ZNF417: variants seen among roughly 807,000 people sequenced by gnomAD.
The protein encoded by ZNF417 is zinc finger protein 417.
Under a neutral mutation model 7.4 loss-of-function variants are expected in ZNF417, and 5 were observed. That is an observed-to-expected ratio of 0.68 (90% CI 0.35 to 1.43). The LOEUF is 1.43. Ranked by LOEUF, ZNF417 falls within the 40% of genes most tolerant of loss-of-function variation. The probability of loss-of-function intolerance (pLI) is 0.04; values close to 1 mark genes in which losing one functional copy is unlikely to be tolerated. For missense variants in ZNF417, 437 were observed against 697.3 expected (o/e 0.63, Z 4.20); for synonymous variants, 147 against 239.1 (o/e 0.61, Z 3.55).
intron 1 of ZNF417, among the ~76,000 whole-genome samples, chr19:57,914,441 G>A (rs553788436): frequency 7.5e-5 from 9 of 120,102 alleles, no homozygotes; most frequent in Non-Finnish European, 1.3e-4. Context: ...AGCCAAGATT[G>A]CACCACTGCA....
Position 57,909,087 on chromosome 19 carries a change from T to G in ZNF417, c.1191A>C (p.Gln397His), listed in dbSNP as rs149038745. ...TTTCTCCAGTATGACCTCGCTGATG[T>G]TGAACGAGGTTGCCCTTTTGACCAA... ...KSFGQKGNLV[Q>H]HQRGHTGERP... is the part of the protein sequence containing the mutation. The change falls in exon 3 of 3, where the codon CAA becomes CAC. Residue 397 changes from glutamine to histidine, a missense_variant. Gln to His is a conservative substitution (Grantham distance 24). Coordinates refer to ENST00000312026, the MANE Select transcript of ZNF417 (RefSeq NM_152475.3). 3,691 of 1,609,626 alleles carry G rather than the reference T, an allele frequency of 2.3e-3. 13 individuals are homozygous for G. The highest frequency in any genetic ancestry group is 4.5e-3 in the African/African-American group (335 of 74,266).
intron 1 of ZNF417, among the ~76,000 whole-genome samples, chr19:57,914,514 A>G (rs556006258): frequency 6.7e-6 from 1 of 148,840 alleles, no homozygotes; most frequent in African/African-American, 2.5e-5. Flanking sequence ...AAAAAAAGAC[A>G]GAAAGAAAAC....
At position 57,907,710 on chromosome 19, in the gene ZNF417, T is replaced by C. The variant is rs1359577210; in HGVS notation, c.*840A>G. On this transcript the variant is annotated 3_prime_UTR_variant, in exon 3 of 3. Transcript: ENST00000312026. ...GTCGACATTCATGCAAGTGGGGAAA[T>C]GGGCATGTGGCCCCTGAAAAAAGAT... 6.5e-6 allele frequency: 1 copy of C among 154,744 alleles called. No homozygotes were observed. Among genetic ancestry groups the C allele is most frequent in the African/African-American group, 2.4e-5 (1 of 41,524 alleles). 9.6% of individuals were successfully genotyped at this position (154,744 alleles called of 1,614,324 possible).
chr19:57,907,895 G>T lies in ZNF417; in HGVS notation c.*655C>A, dbSNP rs1294545028. On this transcript the variant is annotated 3_prime_UTR_variant, in exon 3 of 3. Coordinates refer to ENST00000312026, the MANE Select transcript of ZNF417 (RefSeq NM_152475.3). The stretch of plus-strand genomic sequence containing the variant: ...AATGACGTTACCCATGGAGAATGAA[G>T]TAAGTAGCTAGAAGACAAAAGCCTC... 1.3e-5 allele frequency: 2 copies of T among 152,938 alleles called. No homozygotes were observed. The highest frequency in any genetic ancestry group is 2.4e-5 in the African/African-American group (1 of 41,446). The allele number at this position is 152,938 out of a possible 1,614,324, so 9.5% of individuals were successfully genotyped here. A position where few individuals can be genotyped will look rare whatever the true frequency, so the allele number is the denominator to read the frequency against.
At chr19:57,914,483 CAAAAAAA>C (rs528220711) in intron 1 of ZNF417, among the ~76,000 whole-genome samples, 2 of 57,616 alleles carry the variant, frequency 3.5e-5, no homozygotes, top group South Asian at 9.2e-4. Flanking sequence ...CGAAACTCCA[CAAAAAAA>C]AAAAAAAAAA....
rs373410733 is a variant in ZNF417 at position 57,906,041 on chromosome 19, T to C, written c.*2509A>G. On this transcript the variant is annotated 3_prime_UTR_variant, in exon 3 of 3. Transcript: ENST00000312026. ...AGTGCAGTGGTACCATCTCAGCTGA[T>C]TGCAACCTCCATTTCCGAGGAAGGC... Among the ~76,000 whole-genome samples, 10 of 152,272 alleles carry C rather than the reference T, an allele frequency of 6.6e-5. No homozygotes were observed. In the East Asian group the frequency reaches 1.9e-3, roughly 29 times the overall value.
Position 57,912,209 on chromosome 19 carries a change from A to C in ZNF417, c.34-20T>G. ...GCCCTGCTATGATAGTGACAGATGA[A>C]ACCACAAACAGCCCCTCTGCTGAGG... is the stretch of plus-strand genomic sequence containing the variant. On this transcript the variant is annotated intron_variant, in intron 1 of 2. Transcript: ENST00000312026. 6.2e-7 allele frequency: 1 copy of C among 1,612,096 alleles called. No homozygotes were observed. Among genetic ancestry groups the C allele is most frequent in the Non-Finnish European group, 8.5e-7 (1 of 1,179,382 alleles).
At chr19:57,915,930 G>T (rs923377118) in intron 1 of ZNF417, among the ~76,000 whole-genome samples, 1 of 152,036 alleles carries the variant, frequency 6.6e-6, no homozygotes, top group African/African-American at 2.4e-5. Flanking sequence ...CGGTAATCTG[G>T]GTCAATCAGT....
At position 57,916,403 on chromosome 19, in the gene ZNF417, C is replaced by T. The variant is rs767085529; in HGVS notation, c.9G>A (p.Ala3=). The T allele has an allele frequency of 1.2e-6, 2 of 1,614,022 alleles. No homozygotes were observed. Among genetic ancestry groups the T allele is most frequent in the South Asian group, 2.2e-5 (2 of 91,080 alleles). MA[A]AAPRRPTQQG... ...CCTGAGTCGGGCGCCTCGGCGCAGC[C>T]GCTGCCATCGGACTACTTGGGGAAG... The change falls in exon 1 of 3, where the codon GCG becomes GCA. Residue 3 remains alanine (A), a synonymous_variant. Transcript: ENST00000312026.
At chr19:57,916,344 G>A (rs764876661) in intron 1 of ZNF417, 35 bp downstream of exon 1, 17 of 1,614,018 alleles carry the variant, frequency 1.1e-5, no homozygotes, top group Middle Eastern at 3.3e-4. Context: ...GGTGACGATG[G>A]GGTGACCTGA....
In ZNF417 at chr19:57,908,535, C is replaced by T. The variant is rs1193040082; in HGVS notation, c.*15G>A. On this transcript the variant is annotated 3_prime_UTR_variant, in exon 3 of 3. Coordinates refer to ENST00000312026, the MANE Select transcript of ZNF417 (RefSeq NM_152475.3). ...ACGGGATGTTTCAGCAAACGATTTC[C>T]CATATTCACTGCACTCATAAGGCCT... The T allele has an allele frequency of 1.9e-6, 3 of 1,612,724 alleles. No homozygotes were observed. The African/African-American group carries it at 4.0e-5, about 22-fold the overall frequency.
At chr19:57,912,266 C>T in intron 1 of ZNF417, 77 bp from the exon 2 acceptor site, 4 of 1,588,612 alleles carry the variant, frequency 2.5e-6, no homozygotes, top group Non-Finnish European at 3.4e-6. Context: ...CACACCCACA[C>T]TTGCCCATCC....
In ZNF417 at chr19:57,908,652, G is replaced by T. The variant is rs780741546; in HGVS notation, c.1626C>A (p.His542Gln). 5.6e-6 allele frequency: 9 copies of T among 1,614,132 alleles called. No homozygotes were observed. The highest frequency in any genetic ancestry group is 7.6e-6 in the Non-Finnish European group (9 of 1,180,026). Reference sequence around the variant, plus strand: ...TACATTCATAAGGCCTTTCTCCAGTGTGAATTCTCCTGTGTTTAATGAGAC... The same window carrying T: ...TACATTCATAAGGCCTTTCTCCAGTTTGAATTCTCCTGTGTTTAATGAGAC... ...CSSLIKHRRI[H>Q]TGERPYECTK... is the part of the protein sequence containing the mutation. The change falls in exon 3 of 3, where the codon CAC (histidine) becomes CAA (glutamine). Residue 542 changes from histidine (H) to glutamine (Q), a missense_variant. This residue lies in a region of ZNF417 where 233 missense variants were observed against 235.5 expected (regional missense o/e 0.99). Transcript: ENST00000312026.
chr19:57,915,872 G>A (rs999626596), intron 1 of ZNF417, among the ~76,000 whole-genome samples: 9 of 152,192 alleles, frequency 5.9e-5, no homozygotes, highest in African/African-American at 1.4e-4. Context: ...AGTGCTTGAG[G>A]TATTTTGCAG....
At chr19:57,912,504 A>G (rs2071907885) in intron 1 of ZNF417, among the ~76,000 whole-genome samples, 1 of 152,060 alleles carries the variant, frequency 6.6e-6, no homozygotes, top group Admixed American at 6.6e-5. Context: ...CCCTCTCTAA[A>G]TATACATCAT....
Position 57,908,557 on chromosome 19 carries a change from G to C in ZNF417, c.1721C>G (p.Ala574Gly). 5 of 1,614,178 alleles carry C rather than the reference G, an allele frequency of 3.1e-6. No individual in the cohort carries two copies. The highest frequency in any genetic ancestry group is 4.2e-6 in the Non-Finnish European group (5 of 1,180,030). ...LHHQSSHRRK[A>G]L ...TTCCCATATTCACTGCACTCATAAG[G>C]CCTTTCTCCTGTGTGAACTCTGATG... is the stretch of plus-strand genomic sequence containing the variant. The change falls in exon 3 of 3, where the codon GCC (alanine) becomes GGC (glycine). Residue 574 changes from alanine to glycine, a missense_variant. This residue lies in a region of ZNF417 where 233 missense variants were observed against 235.5 expected (regional missense o/e 0.99). Coordinates refer to ENST00000312026, the MANE Select transcript of ZNF417 (RefSeq NM_152475.3).
intron 1 of ZNF417, among the ~76,000 whole-genome samples, chr19:57,915,920 C>A (rs1228921551): frequency 6.6e-6 from 1 of 152,086 alleles, no homozygotes; most frequent in East Asian, 1.9e-4. Flanking sequence ...ACACACAGAC[C>A]GGTAATCTGG....
chr19:57,909,097 T>A lies in ZNF417; in HGVS notation c.1181A>T (p.Asn394Ile). ...ATGACCTCGCTGATGTTGAACGAGG[T>A]TGCCCTTTTGACCAAAAGATTTTCC... ...ECGKSFGQKG[N>I]LVQHQRGHTG... is the part of the protein sequence containing the mutation. The change falls in exon 3 of 3, where the codon AAC becomes ATC. Residue 394 changes from asparagine to isoleucine, a missense_variant. Physicochemically the swap from Asn to Ile is moderately radical, Grantham distance 149. Transcript: ENST00000312026. 1 of 1,614,048 alleles carries A rather than the reference T, an allele frequency of 6.2e-7. No individual in the cohort carries two copies. The highest frequency in any genetic ancestry group is 1.1e-5 in the South Asian group (1 of 91,064).
chr19:57,913,915 G>C (rs1408316173), intron 1 of ZNF417, among the ~76,000 whole-genome samples: 1 of 152,106 alleles, frequency 6.6e-6, no homozygotes, highest in African/African-American at 2.4e-5. Flanking sequence ...CTAACTTACT[G>C]AAGTTCACCC....
Sources: allele counts gnomAD v4.1 joint callset (sites outside exome capture counted in the v4.1 genomes callset), GRCh38; gene constraint gnomAD v4.1.1; regional missense constraint gnomAD v4.1.1; transcripts MANE v1.5; gene names NCBI Gene and HGNC (gene_info 2026-07-23, HGNC 2026-07-21).